The following NADK2 variants were observed in gnomAD, a reference collection of about 807,000 sequenced individuals.
NADK2 encodes NAD kinase 2, mitochondrial, also known as NAD kinase domain-containing protein 1, mitochondrial.
In NADK2, 35 loss-of-function variants were observed where a neutral mutation model predicts 62.1. The ratio of observed to expected loss-of-function variants is 0.56; its 90% confidence interval spans 0.43 to 0.75. NADK2 has a LOEUF of 0.75. NADK2 is among the 30% of genes least tolerant of loss of function. The probability of loss-of-function intolerance (pLI) is 0.00; values close to 1 mark genes in which losing one functional copy is unlikely to be tolerated. For missense variants in NADK2, 439 were observed against 561.3 expected (o/e 0.78, Z 2.20); for synonymous variants, 205 against 207.9 (o/e 0.99, Z 0.12).
intron 11 of NADK2, among the ~76,000 whole-genome samples, 187 bp from the exon 12 acceptor site, chr5:36,195,469 C>T (rs1434816879): frequency 6.6e-6 from 1 of 152,102 alleles, no homozygotes; most frequent in Non-Finnish European, 1.5e-5. Flanking sequence ...TTCAGGATGG[C>T]ACCATTCGCT....
intron 7 of NADK2, chr5:36,208,699 GAACA>G (rs1470146411): frequency 1.3e-6 from 2 of 1,516,538 alleles, no homozygotes; most frequent in East Asian, 4.9e-5. Context: ...TTCTAGGTTA[GAACA>G]AATAGGAGAA....
chr5:36,194,771 C>A lies in NADK2; in HGVS notation c.*373G>T. On this transcript the variant is annotated 3_prime_UTR_variant, in exon 12 of 12. Coordinates refer to ENST00000381937, the MANE Select transcript of NADK2 (RefSeq NM_001085411.3). ...TCAAATGATATGTGTTCAGTTCTGA[C>A]AATCCCACAATTAGGAGGAAAGGGA... 6.3e-6 allele frequency: 1 copy of A among 159,606 alleles called. No individual in the cohort carries two copies. The highest frequency in any genetic ancestry group is 1.4e-5 in the Non-Finnish European group (1 of 73,396). The allele number at this position is 159,606 out of a possible 1,614,324, so 9.9% of individuals were successfully genotyped here.
chr5:36,238,702 C>T (rs1747997822), intron 1 of NADK2, among the ~76,000 whole-genome samples: 1 of 152,146 alleles, frequency 6.6e-6, no homozygotes, highest in East Asian at 1.9e-4. Context: ...AATAGTTTTA[C>T]TGGCCTTTGA....
At chr5:36,211,819 C>G in intron 7 of NADK2, 25 bp downstream of exon 7, 1 of 1,580,298 alleles carries the variant, frequency 6.3e-7, no homozygotes, top group Non-Finnish European at 8.7e-7. Context: ...AAATTCCATG[C>G]TCAAGATCAC....
chr5:36,195,704 T>C (rs910265892), intron 11 of NADK2, among the ~76,000 whole-genome samples: 1 of 152,184 alleles, frequency 6.6e-6, no homozygotes, highest in African/African-American at 2.4e-5. Context: ...ATTATTAATG[T>C]ACAGTTCAGT....
Position 36,192,775 on chromosome 5 carries a change from T to C in NADK2, c.*2369A>G, listed in dbSNP as rs1403905548. 2 of 152,292 alleles carry C rather than the reference T, an allele frequency of 1.3e-5. No individual in the cohort carries two copies. The highest frequency in any genetic ancestry group is 3.9e-4 in the East Asian group (2 of 5,178). 9.4% of individuals were successfully genotyped at this position (152,292 alleles called of 1,614,324 possible). A position where few individuals can be genotyped will look rare whatever the true frequency, so the allele number is the denominator to read the frequency against. ...TGAATGAAGTCAACAGGGCACAGAATAATAATACACAGCAGTGGGGAAACA... is the reference window on the plus strand; with the variant it reads ...TGAATGAAGTCAACAGGGCACAGAACAATAATACACAGCAGTGGGGAAACA... On this transcript the variant is annotated 3_prime_UTR_variant, in exon 12 of 12. Transcript: ENST00000381937.
intron 4 of NADK2, chr5:36,221,992 T>C (rs538023751): frequency 6.6e-6 from 1 of 151,916 alleles, no homozygotes; most frequent in African/African-American, 2.4e-5. Flanking sequence ...CAATCATTCA[T>C]TTTTCAATTC....
Position 36,241,822 on chromosome 5 carries a change from G to A in NADK2, c.-24C>T. 2 of 1,283,334 alleles carry A rather than the reference G, an allele frequency of 1.6e-6. No homozygotes were observed. The highest frequency in any genetic ancestry group is 9.8e-7 in the Non-Finnish European group (1 of 1,015,516). 79.5% of individuals were successfully genotyped at this position (1,283,334 alleles called of 1,614,324 possible). A position where few individuals can be genotyped will look rare whatever the true frequency, so the allele number is the denominator to read the frequency against. ...ATCGTGGGCCGGGCCGCGGCCGCGG[G>A]CTTGGGCTCGGGCCCCTTGCCTCAG... On this transcript the variant is annotated 5_prime_UTR_variant, in exon 1 of 12. Coordinates refer to ENST00000381937, the MANE Select transcript of NADK2 (RefSeq NM_001085411.3). This position sits in a 1 kb window ranked among gnomAD's most constrained non-coding sequence, Gnocchi z 4.9.
intron 8 of NADK2, among the ~76,000 whole-genome samples, chr5:36,206,093 T>C (rs1233555654): frequency 6.6e-6 from 1 of 151,862 alleles, no homozygotes; most frequent in Non-Finnish European, 1.5e-5. Context: ...AGCTGAACAA[T>C]CGGAACACAT....
chr5:36,241,325 A>T lies in NADK2; in HGVS notation c.300+174T>A. On this transcript the variant is annotated intron_variant, in intron 1 of 11. Transcript: ENST00000381937. This position sits in a 1 kb window ranked among gnomAD's most constrained non-coding sequence, Gnocchi z 4.9. ...TGCCTCTCCCTCGCACACACGCCCAAAGGCAAAGGAGGCCCAGGGAGAAGC... is the reference window on the plus strand; with the variant it reads ...TGCCTCTCCCTCGCACACACGCCCATAGGCAAAGGAGGCCCAGGGAGAAGC... 8.0e-7 allele frequency: 1 copy of T among 1,256,878 alleles called. No individual in the cohort carries two copies. Among genetic ancestry groups the T allele is most frequent in the Non-Finnish European group, 1.0e-6 (1 of 975,400 alleles). The allele number at this position is 1,256,878 out of a possible 1,614,324, so 77.9% of individuals were successfully genotyped here.
At position 36,208,423 on chromosome 5, in the gene NADK2, A is replaced by G. The variant is rs190297677; in HGVS notation, c.861-1158T>C. On this transcript the variant is annotated intron_variant, in intron 7 of 11. Coordinates refer to ENST00000381937, the MANE Select transcript of NADK2 (RefSeq NM_001085411.3). Reference sequence around the variant, plus strand: ...ACTATGCCAGAATCAAGTAGAAACAAAAGAGATTAGAGGTAAGGGGGCATG... The same window carrying G: ...ACTATGCCAGAATCAAGTAGAAACAGAAGAGATTAGAGGTAAGGGGGCATG... Among the ~76,000 whole-genome samples, 15 of 152,180 alleles carry G rather than the reference A, an allele frequency of 9.9e-5. No individual in the cohort carries two copies. The East Asian group carries it at 2.7e-3, about 27-fold the overall frequency.
chr5:36,193,043 A>AT lies in NADK2; in HGVS notation c.*2100dup, dbSNP rs1479889863. On this transcript the variant is annotated 3_prime_UTR_variant, in exon 12 of 12. Coordinates refer to ENST00000381937, the MANE Select transcript of NADK2 (RefSeq NM_001085411.3). The stretch of plus-strand genomic sequence containing the variant: ...GAAATTATATCACAAATGGAGCACA[A>AT]TAAGTATTTTTAAAACCTTTTAAAA... 6.6e-6 allele frequency: 1 copy of AT among 152,220 alleles called. No individual in the cohort carries two copies. The highest frequency in any genetic ancestry group is 1.5e-5 in the Non-Finnish European group (1 of 68,030). The allele number at this position is 152,220 out of a possible 1,614,324, so 9.4% of individuals were successfully genotyped here. A position where few individuals can be genotyped will look rare whatever the true frequency, so the allele number is the denominator to read the frequency against.
At chr5:36,232,000 T>TACAG (rs59587354) in intron 1 of NADK2, among the ~76,000 whole-genome samples, 2 of 152,112 alleles carry the variant, frequency 1.3e-5, no homozygotes, top group African/African-American at 4.8e-5. Flanking sequence ...CCATGAGATC[T>TACAG]ACAGACAGAC....
intron 10 of NADK2, among the ~76,000 whole-genome samples, chr5:36,198,198 G>C (rs1473207217): frequency 2.0e-5 from 3 of 151,890 alleles, no homozygotes; most frequent in Non-Finnish European, 4.4e-5. Flanking sequence ...TAATCAAGAG[G>C]TACAGGAGGG....
intron 6 of NADK2, 89 bp from the exon 7 acceptor site, chr5:36,212,011 A>G (rs1356955848): frequency 3.9e-5 from 38 of 978,318 alleles, no homozygotes; most frequent in Non-Finnish European, 7.8e-6. Context: ...TACAACTTTT[A>G]TATTTTTGTT....
In NADK2 at chr5:36,194,015, C is replaced by CTGTT. The variant is rs1265292916; in HGVS notation, c.*1125_*1128dup. On this transcript the variant is annotated 3_prime_UTR_variant, in exon 12 of 12. Coordinates refer to ENST00000381937, the MANE Select transcript of NADK2 (RefSeq NM_001085411.3). ...TTGAACAACGGCACGAGAATACCAA[C>CTGTT]TGTTTGATTATGCAACGACAGGATC... The CTGTT allele has an allele frequency of 6.6e-6, 1 of 152,458 alleles. No homozygotes were observed. Among genetic ancestry groups the CTGTT allele is most frequent in the Non-Finnish European group, 1.5e-5 (1 of 68,032 alleles). 9.4% of individuals were successfully genotyped at this position (152,458 alleles called of 1,614,324 possible).
At chr5:36,199,686 G>A (rs1746367170) in intron 10 of NADK2, among the ~76,000 whole-genome samples, 1 of 152,086 alleles carries the variant, frequency 6.6e-6, no homozygotes, top group African/African-American at 2.4e-5. Flanking sequence ...TACAACTGTA[G>A]AGGATCACAG....
chr5:36,218,099 G>T, intron 5 of NADK2: 1 of 422,242 alleles, frequency 2.4e-6, no homozygotes, highest in East Asian at 3.8e-5. Flanking sequence ...AACACCTAAT[G>T]TGCTTGTACA....
intron 10 of NADK2, among the ~76,000 whole-genome samples, chr5:36,199,166 C>G (rs960924519): frequency 1.3e-5 from 2 of 151,554 alleles, no homozygotes; most frequent in Admixed American, 1.3e-4. Flanking sequence ...CAAACCTGCA[C>G]GTTGTGCACA....
Sources: gnomAD v4.1 joint callset for allele counts (sites outside exome capture counted in the v4.1 genomes callset) on GRCh38, gnomAD v4.1.1 for gene constraint, Gnocchi (gnomAD v3.1) non-coding constraint, MANE v1.5 for transcripts, NCBI Gene and HGNC (gene_info 2026-07-23, HGNC 2026-07-21) for gene names.